Variants in SLAIN1 observed in about 807,000 individuals in gnomAD.
The protein encoded by SLAIN1 is SLAIN motif-containing protein 1.
Under a neutral mutation model 55.4 loss-of-function variants are expected in SLAIN1, and 17 were observed. The observed-to-expected ratio is 0.31, with a 90% confidence interval of 0.21 to 0.46. The LOEUF is 0.46. Ranked by LOEUF, SLAIN1 falls within the 20% of genes least tolerant of loss-of-function variation. The pLI, the probability that SLAIN1 is intolerant of heterozygous loss-of-function variation, is 1.00. For synonymous variants in SLAIN1, 348 were observed against 337.4 expected (o/e 1.03, Z -0.35); for missense variants, 682 against 785.1 (o/e 0.87, Z 1.57).
At chr13:77,707,662 G>T (rs539937920) in intron 1 of SLAIN1, among the ~76,000 whole-genome samples, 1 of 152,084 alleles carries the variant, frequency 6.6e-6, no homozygotes, top group Admixed American at 6.6e-5. Context: ...TCTTCTCTTG[G>T]ATTCATCTTT....
At chr13:77,747,491 G>T (rs1164962205) in intron 4 of SLAIN1, among the ~76,000 whole-genome samples, 2 of 152,188 alleles carry the variant, frequency 1.3e-5, no homozygotes, top group African/African-American at 4.8e-5. Flanking sequence ...AAGCTGAGAA[G>T]TTTGTGGTCA....
intron 2 of SLAIN1, among the ~76,000 whole-genome samples, chr13:77,733,215 A>G (rs182869298): frequency 1.3e-5 from 2 of 152,258 alleles, no homozygotes; most frequent in Admixed American, 1.3e-4. Flanking sequence ...TTACCTGCCA[A>G]TTGTCAGGAG....
chr13:77,742,267 C>G (rs1386083837), intron 2 of SLAIN1, among the ~76,000 whole-genome samples: 1 of 151,914 alleles, frequency 6.6e-6, no homozygotes, highest in Non-Finnish European at 1.5e-5. Flanking sequence ...AAAGTAATAA[C>G]ATGTATATTC....
intron 1 of SLAIN1, among the ~76,000 whole-genome samples, chr13:77,707,548 A>G (rs2091102917): frequency 6.6e-6 from 1 of 152,080 alleles, no homozygotes; most frequent in South Asian, 2.1e-4. Flanking sequence ...TTCATACCCA[A>G]AGGAGGTGCC....
At position 77,698,059 on chromosome 13, in the gene SLAIN1, G is replaced by A. The variant is rs2090991186; in HGVS notation, c.146G>A (p.Arg49Gln). ...AAGCAGAACGAGCAGCTGCGGAGTC[G>A]AGCGGCCAGCGCGGCCGCCGCCCCG... Reference protein sequence around the residue: ...LEKQNEQLRSRAASAAAAPHL... With the variant: ...LEKQNEQLRSQAASAAAAPHL... Residue 49 changes from arginine to glutamine, a missense_variant, in exon 1 of 7, where the codon CGA becomes CAA. By Grantham distance (43) the Arg-to-Gln change is conservative. Transcript: ENST00000418532. This position sits in a 1 kb window ranked among gnomAD's most constrained non-coding sequence, Gnocchi z 4.1. 2 of 1,362,638 alleles carry A rather than the reference G, an allele frequency of 1.5e-6. No individual in the cohort carries two copies. Among genetic ancestry groups the A allele is most frequent in the East Asian group, 7.3e-5 (2 of 27,282 alleles). 84.4% of individuals were successfully genotyped at this position (1,362,638 alleles called of 1,614,324 possible).
chr13:77,737,623 T>C (rs182565291), intron 2 of SLAIN1, among the ~76,000 whole-genome samples: 1 of 152,222 alleles, frequency 6.6e-6, no homozygotes, highest in Admixed American at 6.5e-5. Context: ...CTTGGTTTCA[T>C]ATGCATTACT....
chr13:77,722,785 TG>T (rs2091274054), intron 2 of SLAIN1, among the ~76,000 whole-genome samples: 1 of 152,194 alleles, frequency 6.6e-6, no homozygotes, highest in Non-Finnish European at 1.5e-5. Context: ...TCTTGCTCTG[TG>T]CCCAGGCTGG....
In SLAIN1 at chr13:77,698,353, T is replaced by C; in HGVS notation, c.440T>C (p.Phe147Ser). 2 of 1,444,024 alleles carry C rather than the reference T, an allele frequency of 1.4e-6. No individual in the cohort carries two copies. Among genetic ancestry groups the C allele is most frequent in the East Asian group, 6.3e-5 (2 of 31,982 alleles). The allele number at this position is 1,444,024 out of a possible 1,614,324, so 89.5% of individuals were successfully genotyped here. ...CSLAQPPEAP[F>S]VYFKPAAGFF... ...CTGGCGCAGCCACCCGAGGCGCCCT[T>C]CGTCTACTTCAAGCCGGCAGCAGGC... is the stretch of plus-strand genomic sequence containing the variant. Residue 147 changes from phenylalanine to serine, a missense_variant, in exon 1 of 7, where the codon TTC becomes TCC. Physicochemically the swap from Phe to Ser is radical, Grantham distance 155 (BLOSUM62 -2). Around this residue, in one of 3 missense-constraint regions of SLAIN1, gnomAD observed 401 missense variants for 417.3 expected, o/e 0.96. Transcript: ENST00000418532. The surrounding 1 kb of genome is among the most constrained non-coding windows in gnomAD (Gnocchi z 4.1).
intron 2 of SLAIN1, among the ~76,000 whole-genome samples, chr13:77,731,947 C>T (rs1204077777): frequency 6.6e-6 from 1 of 152,028 alleles, no homozygotes; most frequent in Non-Finnish European, 1.5e-5. Context: ...GGAAAAGAGA[C>T]TCCTGTTTTA....
Position 77,697,894 on chromosome 13 carries a change from C to T in SLAIN1, c.-20C>T. The T allele has an allele frequency of 3.0e-6, 4 of 1,343,972 alleles. No homozygotes were observed. The highest frequency in any genetic ancestry group is 3.8e-6 in the Non-Finnish European group (4 of 1,043,488). The allele number at this position is 1,343,972 out of a possible 1,614,324, so 83.3% of individuals were successfully genotyped here. On this transcript the variant is annotated 5_prime_UTR_variant, in exon 1 of 7. Transcript: ENST00000418532. Reference sequence around the variant, plus strand: ...GGCGGCGCGCACTCCCCGGCGGCCGCGGCGCCCTCGGGGCCCACGATGATG... The same window carrying T: ...GGCGGCGCGCACTCCCCGGCGGCCGTGGCGCCCTCGGGGCCCACGATGATG...
intron 4 of SLAIN1, among the ~76,000 whole-genome samples, chr13:77,748,471 T>G (rs903353694): frequency 2.7e-5 from 4 of 145,828 alleles, no homozygotes; most frequent in African/African-American, 1.0e-4. Flanking sequence ...AAGCAGATGC[T>G]AGCTCTGCAT....
At chr13:77,721,535 T>G (rs1475305707) in intron 2 of SLAIN1, among the ~76,000 whole-genome samples, 2 of 152,154 alleles carry the variant, frequency 1.3e-5, no homozygotes, top group Non-Finnish European at 1.5e-5. Context: ...GGCTCAATAA[T>G]TTGAAGTAAA....
In SLAIN1 at chr13:77,697,730, G is replaced by A. The variant is rs951758332; in HGVS notation, c.-184G>A. ...CTGAGCATGTGCAGATCAGCTCGGT[G>A]GTGGCTGCCGCGGCCGGAGGCGAGG... On this transcript the variant is annotated 5_prime_UTR_variant, in exon 1 of 7. The change creates a premature stop within an existing upstream ORF in the 5' untranslated region. Transcript: ENST00000418532. The A allele has an allele frequency of 1.6e-5, 6 of 371,512 alleles. No individual in the cohort carries two copies. Among genetic ancestry groups the A allele is most frequent in the Non-Finnish European group, 2.5e-5 (6 of 237,582 alleles). 23.0% of individuals were successfully genotyped at this position (371,512 alleles called of 1,614,324 possible). A position where few individuals can be genotyped will look rare whatever the true frequency, so the allele number is the denominator to read the frequency against.
intron 2 of SLAIN1, among the ~76,000 whole-genome samples, chr13:77,721,907 G>A (rs7332658): frequency 0.063 from 9,325 of 148,502 alleles, 367 homozygotes; most frequent in Middle Eastern, 0.086. Context: ...TACCCACCCC[G>A]GCATTAAGTC....
intron 1 of SLAIN1, among the ~76,000 whole-genome samples, chr13:77,714,031 G>T (rs2091180824): frequency 6.6e-6 from 1 of 152,042 alleles, no homozygotes; most frequent in Admixed American, 6.6e-5. Context: ...GAGGGGTGGG[G>T]GGCTAGGGGA....
chr13:77,707,917 G>T (rs182522829), intron 1 of SLAIN1, among the ~76,000 whole-genome samples: 1 of 152,304 alleles, frequency 6.6e-6, no homozygotes, highest in East Asian at 1.9e-4. Context: ...ATGAAGAGGG[G>T]TGGTAGGACT....
At chr13:77,710,076 A>G (rs974346532) in intron 1 of SLAIN1, among the ~76,000 whole-genome samples, 1 of 152,040 alleles carries the variant, frequency 6.6e-6, no homozygotes, top group Non-Finnish European at 1.5e-5. Flanking sequence ...CTGGCCTTGG[A>G]AGAACTAACA....
chr13:77,712,419 A>G (rs1364193419), intron 1 of SLAIN1, among the ~76,000 whole-genome samples: 3 of 152,092 alleles, frequency 2.0e-5, no homozygotes, highest in Non-Finnish European at 2.9e-5. Context: ...ATTTCTATAC[A>G]CTAATAATGA....
At chr13:77,741,024 C>A in intron 2 of SLAIN1, 1 of 313,362 alleles carries the variant, frequency 3.2e-6, no homozygotes, top group Non-Finnish European at 4.6e-6. Flanking sequence ...TAGTTGGGAT[C>A]TTGCTGTCAT....
Sources: allele counts gnomAD v4.1 joint callset (sites outside exome capture counted in the v4.1 genomes callset), GRCh38; gene constraint gnomAD v4.1.1; regional missense constraint gnomAD v4.1.1; non-coding constraint Gnocchi (gnomAD v3.1); transcripts MANE v1.5; gene names NCBI Gene and HGNC (gene_info 2026-07-23, HGNC 2026-07-21).